The following PRKCH variants were observed in gnomAD, a reference collection of about 807,000 sequenced individuals.
PRKCH encodes protein kinase C eta, also known as protein kinase C eta type.
A neutral mutation model predicts 82.5 loss-of-function variants in PRKCH; 28 were observed. The ratio of observed to expected loss-of-function variants is 0.34; its 90% CI spans 0.25 to 0.47. The LOEUF is 0.47. PRKCH is among the 20% of genes least tolerant of loss of function. The probability of loss-of-function intolerance (pLI) is 1.00; values close to 1 mark genes in which losing one functional copy is unlikely to be tolerated. For missense variants in PRKCH, 705 were observed against 881.8 expected (o/e 0.80, Z 2.54); for synonymous variants, 322 against 327.4 (o/e 0.98, Z 0.18).
At chr14:61,272,158 G>A (rs2045159791) in intron 1 of PRKCH, among the ~76,000 whole-genome samples, 1 of 151,752 alleles carries the variant, frequency 6.6e-6, no homozygotes, top group South Asian at 2.1e-4. Flanking sequence ...AACCCGGGGG[G>A]CGGAGCTTGC....
chr14:61,408,633 G>T (rs1882094374), intron 2 of PRKCH, among the ~76,000 whole-genome samples: 1 of 152,190 alleles, frequency 6.6e-6, no homozygotes, highest in African/African-American at 2.4e-5. Context: ...GGTTACATGA[G>T]CTTATGCACA....
chr14:61,424,447 A>G (rs1433552212), intron 2 of PRKCH, among the ~76,000 whole-genome samples: 1 of 152,354 alleles, frequency 6.6e-6, no homozygotes, highest in East Asian at 1.9e-4. Flanking sequence ...GTAGCTTCAG[A>G]TGGAGATGAG....
At chr14:61,519,894 T>C (rs1245399313) in intron 10 of PRKCH, among the ~76,000 whole-genome samples, 1 of 151,590 alleles carries the variant, frequency 6.6e-6, no homozygotes, top group Non-Finnish European at 1.5e-5. Flanking sequence ...AAAAATGAGC[T>C]GATGGCAACA....
At chr14:61,351,342 C>G (rs1202706013) in intron 1 of PRKCH, among the ~76,000 whole-genome samples, 1 of 152,178 alleles carries the variant, frequency 6.6e-6, no homozygotes, top group Non-Finnish European at 1.5e-5. Flanking sequence ...TGCAGAGTTG[C>G]ATTCTGCCAC....
At chr14:61,252,605 C>G (rs965331148) in intron 1 of PRKCH, among the ~76,000 whole-genome samples, 3 of 152,308 alleles carry the variant, frequency 2.0e-5, no homozygotes, top group East Asian at 3.9e-4. Flanking sequence ...GTGACTTCCC[C>G]TTTCCCTATT....
chr14:61,524,877 C>T lies in PRKCH; in HGVS notation c.1434-4198C>T, dbSNP rs111363221. On this transcript the variant is annotated intron_variant, in intron 10 of 13. Transcript: ENST00000332981. ...ATTTTGATTTCAGGTTTCTTCTTTT[C>T]CCTCTTGAGTCTATCTTTAAGGGGT... 3.9e-3 allele frequency among the ~76,000 whole-genome samples: 601 copies of T among 152,304 alleles called. 4 individuals carry two copies. The highest frequency in any genetic ancestry group is 6.2e-3 in the Non-Finnish European group (425 of 68,006).
At chr14:61,357,968 T>C (rs2046173577) in intron 1 of PRKCH, among the ~76,000 whole-genome samples, 1 of 152,206 alleles carries the variant, frequency 6.6e-6, no homozygotes, top group African/African-American at 2.4e-5. Flanking sequence ...CTGGTTGTCA[T>C]GTGAGTATCT....
chr14:61,535,080 T>G (rs2043089466), intron 12 of PRKCH, among the ~76,000 whole-genome samples: 1 of 152,220 alleles, frequency 6.6e-6, no homozygotes, highest in Admixed American at 6.5e-5. Flanking sequence ...TCCAGGAGCT[T>G]TTAAATCTTG....
At chr14:61,395,451 T>G (rs564703703) in intron 2 of PRKCH, among the ~76,000 whole-genome samples, 2 of 152,108 alleles carry the variant, frequency 1.3e-5, no homozygotes, top group Non-Finnish European at 2.9e-5. Context: ...AGTTCCCATC[T>G]TGGATACTGA....
In PRKCH at chr14:61,485,651, C is replaced by CTGA; in HGVS notation, c.1429_1430insGAT (p.Ile476_Tyr477insTer). Reference sequence around the variant, plus strand: ...TGTTCCTCCATGATAAAGGAATCATCTATAGGTGAGTTTTGGTTGCTGCCC... The same window carrying CTGA: ...TGTTCCTCCATGATAAAGGAATCATCTGATATAGGTGAGTTTTGGTTGCTGCCC... On this transcript the variant is annotated stop_gained and inframe_insertion, in exon 10 of 14. Transcript: ENST00000332981. LOFTEE classifies it high-confidence loss of function. 6.2e-7 allele frequency: 1 copy of CTGA among 1,612,912 alleles called. No homozygotes were observed. Among genetic ancestry groups the CTGA allele is most frequent in the South Asian group, 1.1e-5 (1 of 90,964 alleles).
At chr14:61,394,424 A>C (rs1286961192) in intron 2 of PRKCH, among the ~76,000 whole-genome samples, 1 of 152,170 alleles carries the variant, frequency 6.6e-6, no homozygotes, top group Non-Finnish European at 1.5e-5. Flanking sequence ...TTGTTGATAA[A>C]ACATTCTCAT....
intron 2 of PRKCH, among the ~76,000 whole-genome samples, chr14:61,426,945 C>T (rs1417760629): frequency 6.6e-6 from 1 of 152,170 alleles, no homozygotes. Flanking sequence ...GACAAAGAGT[C>T]AAACTCTAAA....
intron 1 of PRKCH, among the ~76,000 whole-genome samples, chr14:61,370,933 A>G (rs551949611): frequency 1.3e-5 from 2 of 152,186 alleles, no homozygotes; most frequent in African/African-American, 4.8e-5. Flanking sequence ...AGCTGGAGAC[A>G]GTTGGGACAG....
intron 1 of PRKCH, among the ~76,000 whole-genome samples, chr14:61,360,912 C>T (rs1264950447): frequency 1.3e-5 from 2 of 152,190 alleles, no homozygotes; most frequent in East Asian, 1.9e-4. Flanking sequence ...AAGGATCGTT[C>T]AGGTCAGGGG....
At chr14:61,207,294 C>G (rs1358242731) in intron 1 of PRKCH, among the ~76,000 whole-genome samples, 3 of 152,046 alleles carry the variant, frequency 2.0e-5, no homozygotes, top group Non-Finnish European at 1.5e-5. Flanking sequence ...TCATGTGGAA[C>G]CCTGTCCCTG....
At chr14:61,265,178 T>C (rs758154549) in intron 1 of PRKCH, among the ~76,000 whole-genome samples, 1 of 152,198 alleles carries the variant, frequency 6.6e-6, no homozygotes, top group Non-Finnish European at 1.5e-5. Flanking sequence ...ACAATTGCAT[T>C]TCTCCTCAAG....
intron 9 of PRKCH, among the ~76,000 whole-genome samples, chr14:61,461,752 A>C (rs1169305382): frequency 6.6e-6 from 1 of 152,250 alleles, no homozygotes; most frequent in African/African-American, 2.4e-5. Context: ...ATGAGGAAGT[A>C]ACCTGGAACA....
intron 1 of PRKCH, among the ~76,000 whole-genome samples, chr14:61,210,360 GC>G (rs1450339090): frequency 6.6e-6 from 1 of 151,832 alleles, no homozygotes; most frequent in Non-Finnish European, 1.5e-5. Flanking sequence ...AGGACGTACA[GC>G]TTGGTGAGTA....
At chr14:61,453,799 G>A (rs1884631754) in intron 7 of PRKCH, among the ~76,000 whole-genome samples, 1 of 151,816 alleles carries the variant, frequency 6.6e-6, no homozygotes, top group Non-Finnish European at 1.5e-5. Context: ...GACTGCAGGT[G>A]TGCACCACTA....
Sources: gnomAD v4.1 joint callset for allele counts (sites outside exome capture counted in the v4.1 genomes callset) on GRCh38, gnomAD v4.1.1 for gene constraint, MANE v1.5 for transcripts, NCBI Gene and HGNC (gene_info 2026-07-23, HGNC 2026-07-21) for gene names.